DNM3: variants seen among roughly 807,000 people sequenced by gnomAD.
DNM3 encodes dynamin 3.
DNM3 carries 47 observed loss-of-function variants against 101.6 expected under a neutral mutation model. The ratio of observed to expected loss-of-function variants is 0.46; its 90% CI spans 0.37 to 0.59. DNM3 has a LOEUF of 0.59. Ranked by LOEUF, DNM3 falls within the 20% of genes least tolerant of loss-of-function variation. The pLI is 0.00. For synonymous variants in DNM3, 385 were observed against 387.9 expected (o/e 0.99, Z 0.09); for missense variants, 849 against 1,085.7 (o/e 0.78, Z 3.06).
intron 6 of DNM3, among the ~76,000 whole-genome samples, chr1:172,038,096 C>T (rs2049099437): frequency 6.6e-6 from 1 of 152,278 alleles, no homozygotes; most frequent in Admixed American, 6.5e-5. Flanking sequence ...AAGTGAGTGA[C>T]TCTAAATGAA....
At chr1:172,289,580 C>T in intron 15 of DNM3, 5 of 956,516 alleles carry the variant, frequency 5.2e-6, no homozygotes, top group Non-Finnish European at 5.0e-6. Context: ...TAATTCTTGA[C>T]TTTATAAAAT....
At chr1:172,290,122 C>A in intron 15 of DNM3, 1 of 441,310 alleles carries the variant, frequency 2.3e-6, no homozygotes, top group Non-Finnish European at 3.0e-6. Flanking sequence ...TATTAATGAG[C>A]ACCTACTATA....
Position 172,388,664 on chromosome 1 carries a change from A to G in DNM3, c.2377A>G (p.Ile793Val), listed in dbSNP as rs769011734. The G allele has an allele frequency of 1.2e-6, 2 of 1,613,960 alleles. No homozygotes were observed. The highest frequency in any genetic ancestry group is 1.1e-5 in the South Asian group (1 of 91,078). ...PTSGRGPAPA[I>V]PSPGPHSGAP... Reference sequence around the variant, plus strand: ...ATCCGGCCGAGGACCAGCTCCTGCCATTCCCTCTCCTGGCCCCCACTCTGG... The same window carrying G: ...ATCCGGCCGAGGACCAGCTCCTGCCGTTCCCTCTCCTGGCCCCCACTCTGG... Residue 793 changes from isoleucine (I) to valine (V), a missense_variant, in exon 20 of 21, where the codon ATT becomes GTT. This residue lies in a region of DNM3 where 256 missense variants were observed against 311.7 expected (regional missense o/e 0.82). Transcript: ENST00000627582.
intron 4 of DNM3, among the ~76,000 whole-genome samples, chr1:172,021,983 T>A (rs1169044391): frequency 1.3e-5 from 2 of 152,242 alleles, no homozygotes; most frequent in Admixed American, 1.3e-4. Context: ...CTAGTCAAAC[T>A]TAGTTCTGTA....
chr1:172,004,870 A>G (rs2046573078), intron 4 of DNM3, among the ~76,000 whole-genome samples: 1 of 152,050 alleles, frequency 6.6e-6, no homozygotes, highest in Admixed American at 6.6e-5. Context: ...ATGGTTCCAG[A>G]TGGCACAGTG....
At chr1:172,281,093 A>G (rs1018755242) in intron 15 of DNM3, among the ~76,000 whole-genome samples, 11 of 146,092 alleles carry the variant, frequency 7.5e-5, no homozygotes, top group South Asian at 4.4e-4. Flanking sequence ...GTGTGTGTGT[A>G]TGTGTGATAA....
chr1:172,055,540 A>G (rs1227504846), intron 10 of DNM3, among the ~76,000 whole-genome samples: 1 of 152,072 alleles, frequency 6.6e-6, no homozygotes, highest in Non-Finnish European at 1.5e-5. Context: ...TTGCTGTGTT[A>G]TAAGATAATT....
chr1:172,209,612 G>A (rs975681264), intron 14 of DNM3, among the ~76,000 whole-genome samples: 5 of 151,836 alleles, frequency 3.3e-5, no homozygotes, highest in African/African-American at 7.3e-5. Flanking sequence ...ATCTCCCAAG[G>A]GCCCAATAGC....
chr1:172,260,510 T>TTTG (rs1157044944), intron 15 of DNM3, among the ~76,000 whole-genome samples: 1 of 152,134 alleles, frequency 6.6e-6, no homozygotes, highest in African/African-American at 2.4e-5. Context: ...TTTTAATCTT[T>TTTG]TTGTTGTTGT....
chr1:172,206,465 T>G (rs928901495), intron 14 of DNM3, among the ~76,000 whole-genome samples: 6 of 152,098 alleles, frequency 3.9e-5, no homozygotes, highest in African/African-American at 1.4e-4. Flanking sequence ...TATTAAAAGG[T>G]CAAGATTGTT....
intron 14 of DNM3, among the ~76,000 whole-genome samples, chr1:172,222,785 A>G (rs1379509229): frequency 2.0e-5 from 3 of 152,182 alleles, no homozygotes; most frequent in Admixed American, 2.0e-4. Context: ...ACATTCAAAC[A>G]TATGATGAAG....
intron 12 of DNM3, among the ~76,000 whole-genome samples, chr1:172,088,725 G>C (rs551045257): frequency 3.3e-4 from 50 of 152,206 alleles, no homozygotes; most frequent in Non-Finnish European, 4.6e-4. Flanking sequence ...TTCTTTTCAA[G>C]TTTGCTACAA....
At chr1:172,047,935 C>A (rs867253142) in intron 9 of DNM3, among the ~76,000 whole-genome samples, 2 of 152,044 alleles carry the variant, frequency 1.3e-5, no homozygotes, top group African/African-American at 2.4e-5. Flanking sequence ...CTCTACTGAC[C>A]TTTTGTTTAA....
intron 16 of DNM3, among the ~76,000 whole-genome samples, chr1:172,316,416 A>T (rs1207576328): frequency 6.6e-6 from 1 of 152,228 alleles, no homozygotes; most frequent in Non-Finnish European, 1.5e-5. Context: ...AAAGGACTAA[A>T]TATCCCAATT....
At chr1:171,908,317 T>TATTG (rs10689582) in intron 1 of DNM3, among the ~76,000 whole-genome samples, 38,283 of 152,130 alleles carry the variant, frequency 0.25, 5,489 homozygotes, top group Admixed American at 0.33. Flanking sequence ...ACTTTTGAGT[T>TATTG]ATTGGCATGT....
intron 1 of DNM3, among the ~76,000 whole-genome samples, chr1:171,908,406 A>T (rs2039004532): frequency 6.6e-6 from 1 of 152,230 alleles, no homozygotes; most frequent in Non-Finnish European, 1.5e-5. Flanking sequence ...ATGTAATTAA[A>T]TAATTATAAG....
intron 4 of DNM3, among the ~76,000 whole-genome samples, chr1:172,009,608 C>G (rs1025323563): frequency 5.3e-5 from 8 of 151,774 alleles, no homozygotes; most frequent in African/African-American, 1.9e-4. Context: ...AAAGTCAATA[C>G]AGTACATTTC....
intron 17 of DNM3, among the ~76,000 whole-genome samples, chr1:172,346,164 A>G (rs2066930336): frequency 6.6e-6 from 1 of 151,820 alleles, no homozygotes; most frequent in African/African-American, 2.4e-5. Flanking sequence ...AAAGATGTAG[A>G]TTAGCAAATG....
intron 13 of DNM3, among the ~76,000 whole-genome samples, chr1:172,125,792 G>T (rs2056588244): frequency 6.6e-6 from 1 of 152,060 alleles, no homozygotes; most frequent in Non-Finnish European, 1.5e-5. Flanking sequence ...GATGTAAGTG[G>T]CTGTTGTAGT....
Sources: gnomAD v4.1 joint callset for allele counts (sites outside exome capture counted in the v4.1 genomes callset) on GRCh38, gnomAD v4.1.1 for gene constraint, gnomAD v4.1.1 regional missense constraint, MANE v1.5 for transcripts, NCBI Gene and HGNC (gene_info 2026-07-23, HGNC 2026-07-21) for gene names.